The following BRINP3 variants were observed in gnomAD, a reference collection of about 807,000 sequenced individuals.
The protein encoded by BRINP3 is BMP/retinoic acid inducible neural specific 3.
Under a neutral mutation model 71.0 loss-of-function variants are expected in BRINP3, and 19 were observed. The ratio of observed to expected loss-of-function variants is 0.27; its 90% CI spans 0.19 to 0.39. The LOEUF (loss-of-function observed/expected upper bound fraction) is 0.39. Ranked by LOEUF, BRINP3 falls within the 10% of genes least tolerant of loss-of-function variation. The pLI, the probability that BRINP3 is intolerant of heterozygous loss-of-function variation, is 1.00. For missense variants in BRINP3, 959 were observed against 940.8 expected, an observed-to-expected ratio of 1.02 and a Z score of -0.25; for synonymous variants, 380 against 337.7, an observed-to-expected ratio of 1.13 and a Z score of -1.37.
At chr1:190,445,911 A>G (rs1274156944) in intron 2 of BRINP3, among the ~76,000 whole-genome samples, 2 of 152,216 alleles carry the variant, frequency 1.3e-5, no homozygotes, top group African/African-American at 4.8e-5. Context: ...TCTGTAAATA[A>G]TTGTGTTAAC....
At chr1:190,105,148 T>C (rs1652042396) in intron 7 of BRINP3, among the ~76,000 whole-genome samples, 1 of 152,036 alleles carries the variant, frequency 6.6e-6, no homozygotes, top group African/African-American at 2.4e-5. Flanking sequence ...TCTGGCCATC[T>C]CAGTTTTGGC....
intron 1 of BRINP3, among the ~76,000 whole-genome samples, chr1:190,474,957 TA>T (rs956208255): frequency 7.4e-6 from 1 of 135,842 alleles, no homozygotes. Flanking sequence ...AAAATAAAAA[TA>T]AAAGGCCAAC....
intron 2 of BRINP3, among the ~76,000 whole-genome samples, chr1:190,394,988 A>C (rs530197710): frequency 6.6e-6 from 1 of 151,714 alleles, no homozygotes; most frequent in African/African-American, 2.4e-5. Flanking sequence ...AAATCCACTA[A>C]GGAAGTCTTG....
At chr1:190,125,343 A>G (rs1654001294) in intron 7 of BRINP3, among the ~76,000 whole-genome samples, 1 of 151,240 alleles carries the variant, frequency 6.6e-6, no homozygotes, top group Non-Finnish European at 1.5e-5. Context: ...ATATACACAT[A>G]TATTATATAT....
chr1:190,371,093 T>C (rs1332519724), intron 2 of BRINP3, among the ~76,000 whole-genome samples: 1 of 152,226 alleles, frequency 6.6e-6, no homozygotes, highest in African/African-American at 2.4e-5. Context: ...ATCACATCTT[T>C]GGTTTGCAAA....
At chr1:190,468,673 T>C (rs1331970464) in intron 1 of BRINP3, among the ~76,000 whole-genome samples, 3 of 151,224 alleles carry the variant, frequency 2.0e-5, no homozygotes, top group Non-Finnish European at 3.0e-5. Context: ...AATCTGACTT[T>C]GATATAAAAG....
intron 1 of BRINP3, among the ~76,000 whole-genome samples, chr1:190,466,065 T>C (rs928588907): frequency 6.6e-6 from 1 of 151,744 alleles, no homozygotes; most frequent in Non-Finnish European, 1.5e-5. Context: ...GTCATGTAAG[T>C]GTCAATTTAA....
intron 2 of BRINP3, among the ~76,000 whole-genome samples, chr1:190,301,959 T>C (rs1043728169): frequency 6.6e-6 from 1 of 151,862 alleles, no homozygotes; most frequent in Non-Finnish European, 1.5e-5. Context: ...AGTGTTTTGG[T>C]ACTACTTGTA....
rs113679558 is a variant in BRINP3, at chr1:190,374,833, C to T, written c.236+79822G>A. Among the ~76,000 whole-genome samples the T allele has an allele frequency of 3.2e-3, 487 of 151,970 alleles. 6 individuals are homozygous for T. The highest frequency in any genetic ancestry group is 0.011 in the African/African-American group (459 of 41,518). ...TGAAAATAATAGAAAAAGTTAGAAA[C>T]AGCCTCTTAAAGCTGTCATGAACAG... On this transcript the variant is annotated intron_variant, in intron 2 of 7. Transcript: ENST00000367462.
chr1:190,153,649 C>T (rs1401638332), intron 7 of BRINP3, among the ~76,000 whole-genome samples: 1 of 152,040 alleles, frequency 6.6e-6, no homozygotes, highest in Non-Finnish European at 1.5e-5. Context: ...AGCAAAAGTC[C>T]CTCACATTAA....
At chr1:190,452,596 C>A (rs764049155) in intron 2 of BRINP3, among the ~76,000 whole-genome samples, 3 of 152,130 alleles carry the variant, frequency 2.0e-5, no homozygotes, top group Non-Finnish European at 4.4e-5. Flanking sequence ...CGGTGGCTCA[C>A]GCCTGTAATC....
chr1:190,339,862 T>C (rs1428747983), intron 2 of BRINP3, among the ~76,000 whole-genome samples: 1 of 151,964 alleles, frequency 6.6e-6, no homozygotes, highest in East Asian at 1.9e-4. Flanking sequence ...GTCCTGATTT[T>C]ATTTGTGAAT....
intron 2 of BRINP3, among the ~76,000 whole-genome samples, chr1:190,301,073 T>G (rs1571681404): frequency 6.6e-6 from 1 of 150,770 alleles, no homozygotes; most frequent in Non-Finnish European, 1.5e-5. Flanking sequence ...AATTCCATTT[T>G]TATGTATCTA....
intron 2 of BRINP3, among the ~76,000 whole-genome samples, chr1:190,365,781 C>T (rs748599839): frequency 7.7e-4 from 89 of 115,234 alleles, no homozygotes; most frequent in East Asian, 1.8e-3. Flanking sequence ...ATAAATGCTG[C>T]GAAGAGTACA....
chr1:190,280,553 T>C (rs1662958720), intron 3 of BRINP3, among the ~76,000 whole-genome samples: 3 of 151,712 alleles, frequency 2.0e-5, no homozygotes, highest in African/African-American at 7.3e-5. Context: ...TGTAAAAAAT[T>C]GACATGACTT....
At chr1:190,295,152 T>C (rs1363513801) in intron 2 of BRINP3, among the ~76,000 whole-genome samples, 1 of 152,004 alleles carries the variant, frequency 6.6e-6, no homozygotes, top group Admixed American at 6.6e-5. Context: ...CTGACACTTA[T>C]TCAAGGCCTG....
intron 2 of BRINP3, among the ~76,000 whole-genome samples, chr1:190,305,388 T>C (rs1665022851): frequency 6.6e-6 from 1 of 151,784 alleles, no homozygotes; most frequent in South Asian, 2.1e-4. Context: ...AAAGACAGTA[T>C]GGCATTTATA....
intron 2 of BRINP3, among the ~76,000 whole-genome samples, chr1:190,391,733 A>G (rs540999535): frequency 6.6e-6 from 1 of 151,792 alleles, no homozygotes; most frequent in African/African-American, 2.4e-5. Context: ...AGTGATGCCT[A>G]CACTGTAAAT....
intron 5 of BRINP3, among the ~76,000 whole-genome samples, chr1:190,229,630 A>C (rs1490135783): frequency 3.4e-5 from 5 of 145,324 alleles, no homozygotes; most frequent in African/African-American, 1.3e-4. Flanking sequence ...CCCAGAGTAA[A>C]GAAAAACAAA....
Sources: allele counts gnomAD v4.1 joint callset (sites outside exome capture counted in the v4.1 genomes callset), GRCh38; gene constraint gnomAD v4.1.1; transcripts MANE v1.5; gene names NCBI Gene and HGNC (gene_info 2026-07-23, HGNC 2026-07-21).